PTCH1: variants seen among roughly 807,000 people sequenced by gnomAD.
The protein encoded by PTCH1 is patched 1, also known as protein patched homolog 1.
Under a neutral mutation model 144.6 loss-of-function variants are expected in PTCH1, and 14 were observed. That is an observed-to-expected ratio of 0.10 (90% CI 0.06 to 0.15). The LOEUF (loss-of-function observed/expected upper bound fraction) is 0.15. Ranked by LOEUF, PTCH1 falls within the 10% of genes least tolerant of loss-of-function variation. The pLI is 1.00. For synonymous variants in PTCH1, 833 were observed against 793.6 expected (o/e 1.05, Z -0.83); for missense variants, 1,623 against 1,948.3 (o/e 0.83, Z 3.14).
intron 19 of PTCH1, among the ~76,000 whole-genome samples, chr9:95,453,827 C>T (rs956406601): frequency 6.6e-5 from 10 of 152,202 alleles, no homozygotes; most frequent in African/African-American, 2.2e-4. Context: ...TTGGTGTTGA[C>T]GTAAATCTTG....
At chr9:95,481,145 C>A (rs1841504951) in intron 5 of PTCH1, among the ~76,000 whole-genome samples, 2 of 152,212 alleles carry the variant, frequency 1.3e-5, no homozygotes, top group South Asian at 4.1e-4. Flanking sequence ...GTGCTGTTGA[C>A]AGACCAGAAA....
At chr9:95,454,188 T>A (rs573441261) in intron 19 of PTCH1, among the ~76,000 whole-genome samples, 38 of 152,314 alleles carry the variant, frequency 2.5e-4, no homozygotes, top group African/African-American at 8.7e-4. Context: ...TGTGGACACA[T>A]CCCTGTCTCT....
intron 1 of PTCH1, chr9:95,514,621 G>GGT (rs3222829): frequency 0.017 from 2,578 of 148,620 alleles, 34 homozygotes; most frequent in African/African-American, 0.036. Flanking sequence ...GAAAATAAAA[G>GGT]GTGTGTGTGT....
chr9:95,454,842 T>C (rs555647486), intron 19 of PTCH1, among the ~76,000 whole-genome samples: 1 of 152,366 alleles, frequency 6.6e-6, no homozygotes, highest in African/African-American at 2.4e-5. Context: ...ATCAGAATAC[T>C]GAAAATGACT....
chr9:95,456,575 T>C (rs1382851641), intron 18 of PTCH1, among the ~76,000 whole-genome samples, 162 bp from the exon 19 acceptor site: 1 of 152,210 alleles, frequency 6.6e-6, no homozygotes, highest in East Asian at 1.9e-4. Context: ...CTAATTCATC[T>C]TCCCGCTGGG....
intron 20 of PTCH1, 127 bp from the exon 21 acceptor site, chr9:95,450,067 T>A (rs1838332390): frequency 5.9e-6 from 5 of 841,160 alleles, no homozygotes; most frequent in Non-Finnish European, 1.0e-5. Context: ...AAAAGGCTGT[T>A]ATCCAACCGC....
chr9:95,446,926 T>G lies in PTCH1; in HGVS notation c.4330A>C (p.Ser1444Arg). The part of the protein sequence containing the change: ...DVECEERPRG[S>R]SSN ...TGGCACTCACCTCAGTTGGAGCTGC[T>G]TCCCCGGGGCCTCTCCTCGCATTCC... Residue 1444 changes from serine to arginine, a missense_variant, in exon 23 of 24, where the codon AGC becomes CGC. Ser to Arg is a moderately radical substitution (Grantham distance 110, BLOSUM62 -1). This residue lies in a region of PTCH1 where 291 missense variants were observed against 287.4 expected (regional missense o/e 1.01). Transcript: ENST00000331920. 6.2e-7 allele frequency: 1 copy of G among 1,614,056 alleles called. No individual in the cohort carries two copies. Among genetic ancestry groups the G allele is most frequent in the South Asian group, 1.1e-5 (1 of 91,074 alleles).
rs1841923110 is a variant in PTCH1, at chr9:95,485,800, G to T, written c.469C>A (p.Leu157Ile). 1 of 1,614,176 alleles carries T rather than the reference G, an allele frequency of 6.2e-7. No homozygotes were observed. Among genetic ancestry groups the T allele is most frequent in the Admixed American group, 1.7e-5 (1 of 60,032 alleles). Residue 157 changes from leucine to isoleucine, a missense_variant, in exon 3 of 24, where the codon CTC (leucine) becomes ATC (isoleucine). Physicochemically the swap from Leu to Ile is conservative, Grantham distance 5. Around this residue, in one of 7 missense-constraint regions of PTCH1, gnomAD observed 245 missense variants for 240.6 expected, o/e 1.02. Coordinates refer to ENST00000331920, the MANE Select transcript of PTCH1 (RefSeq NM_000264.5). ...TCTTCTTTAGGGGTCTGTATCATGA[G>T]TTGAGGATTAAACATAGCCTCTTCT... ...IGEEAMFNPQ[L>I]MIQTPKEEGA...
rs1038475537 is a variant in PTCH1, at chr9:95,443,656, G to T, written c.*2737C>A. The T allele has an allele frequency of 7.2e-5, 11 of 152,564 alleles. No homozygotes were observed. The highest frequency in any genetic ancestry group is 7.3e-5 in the Non-Finnish European group (5 of 68,040). The allele number at this position is 152,564 out of a possible 1,614,324, so 9.5% of individuals were successfully genotyped here. On this transcript the variant is annotated 3_prime_UTR_variant, in exon 24 of 24. Coordinates refer to ENST00000331920, the MANE Select transcript of PTCH1 (RefSeq NM_000264.5). ...TACAATGAAAACTGTGCCCACTCAT[G>T]TCTCAGCAAAGTTCCAGACATTATG...
In PTCH1 at chr9:95,458,081, C is replaced by T. The variant is rs760902564; in HGVS notation, c.3100G>A (p.Val1034Met). ...LRHWLLLFIS[V>M]VLACTFLVCA... Reference sequence around the variant, plus strand: ...ACGAGGAATGTGCAGGCCAACACCACGCTGATGAACAGCAGCAGCCAGTGG... The same window carrying T: ...ACGAGGAATGTGCAGGCCAACACCATGCTGATGAACAGCAGCAGCCAGTGG... The change falls in exon 18 of 24, where the codon GTG (valine) becomes ATG (methionine). Residue 1034 changes from valine to methionine, a missense_variant. This residue lies in a region of PTCH1 where 504 missense variants were observed against 679.3 expected (regional missense o/e 0.74). Coordinates refer to ENST00000331920, the MANE Select transcript of PTCH1 (RefSeq NM_000264.5). The surrounding 1 kb of genome is among the most constrained non-coding windows in gnomAD (Gnocchi z 4.7). 2.5e-5 allele frequency: 40 copies of T among 1,614,088 alleles called. No individual in the cohort carries two copies. Among genetic ancestry groups the T allele is most frequent in the Non-Finnish European group, 3.0e-5 (35 of 1,180,044 alleles).
At chr9:95,471,831 G>C (rs1206873425) in intron 12 of PTCH1, among the ~76,000 whole-genome samples, 1 of 152,226 alleles carries the variant, frequency 6.6e-6, no homozygotes, top group Non-Finnish European at 1.5e-5. Flanking sequence ...CCTGAGGTTG[G>C]AGTTCGAGAC....
intron 5 of PTCH1, 69 bp downstream of exon 5, chr9:95,481,880 A>C: frequency 2.2e-6 from 3 of 1,341,128 alleles, no homozygotes; most frequent in Non-Finnish European, 3.2e-6. Flanking sequence ...ACAAACAATG[A>C]TAAGCAACAT....
Position 95,443,991 on chromosome 9 carries a change from T to C in PTCH1, c.*2402A>G, listed in dbSNP as rs1837670351. 6.6e-6 allele frequency: 1 copy of C among 152,618 alleles called. No individual in the cohort carries two copies. Among genetic ancestry groups the C allele is most frequent in the Admixed American group, 6.5e-5 (1 of 15,278 alleles). The allele number at this position is 152,618 out of a possible 1,614,324, so 9.5% of individuals were successfully genotyped here. On this transcript the variant is annotated 3_prime_UTR_variant, in exon 24 of 24. Transcript: ENST00000331920. ...ATTCTGTCCAAAAGTAAAACATAGC[T>C]GTAATGTTTCCAATAGAAATAAAAT... is the stretch of plus-strand genomic sequence containing the variant.
rs539463785 is a variant in PTCH1, at chr9:95,482,291, C to G, written c.585-88G>C. The G allele has an allele frequency of 4.7e-5, 60 of 1,287,172 alleles. No individual in the cohort carries two copies. In the African/African-American group the frequency reaches 6.4e-4, roughly 14 times the overall value. 79.7% of individuals were successfully genotyped at this position (1,287,172 alleles called of 1,614,324 possible). On this transcript the variant is annotated intron_variant, in intron 3 of 23. Coordinates refer to ENST00000331920, the MANE Select transcript of PTCH1 (RefSeq NM_000264.5). The stretch of plus-strand genomic sequence containing the variant: ...GAAATGATAGAACATATAAAAAGAA[C>G]TGCAATTTCGATCACTTTTAAGCAT...
intron 12 of PTCH1, chr9:95,473,921 T>C (rs903653072): frequency 3.0e-5 from 11 of 367,132 alleles, no homozygotes; most frequent in Non-Finnish European, 4.4e-5. Flanking sequence ...TTGGAAGCTA[T>C]AGTTGCAATT....
At position 95,506,392 on chromosome 9, in the gene PTCH1, G is replaced by C. The variant is rs771281691; in HGVS notation, c.394+15C>G. 7 of 1,606,902 alleles carry C rather than the reference G, an allele frequency of 4.4e-6. No individual in the cohort carries two copies. Among genetic ancestry groups the C allele is most frequent in the Admixed American group, 3.4e-5 (2 of 59,458 alleles). ...ACCGGGCCGGGGGCGCGGGCGCCGCGGCGGGCGCTCTTACCTTCCACCCAC... is the reference window on the plus strand; with the variant it reads ...ACCGGGCCGGGGGCGCGGGCGCCGCCGCGGGCGCTCTTACCTTCCACCCAC... On this transcript the variant is annotated intron_variant, in intron 2 of 23. Coordinates refer to ENST00000331920, the MANE Select transcript of PTCH1 (RefSeq NM_000264.5).
Position 95,449,218 on chromosome 9 carries a change from C to G in PTCH1, c.3655G>C (p.Asp1219His), listed in dbSNP as rs774833489. The change falls in exon 22 of 24, where the codon GAT (aspartate) becomes CAT (histidine). Residue 1219 changes from aspartate (D) to histidine (H), a missense_variant. Asp to His is a moderately conservative substitution (Grantham distance 81). Coordinates refer to ENST00000331920, the MANE Select transcript of PTCH1 (RefSeq NM_000264.5). This position sits in a 1 kb window ranked among gnomAD's most constrained non-coding sequence, Gnocchi z 5.3. ...MPPGHTHSGSDSSDSEYSSQT... is the reference protein window; with the variant it reads ...MPPGHTHSGSHSSDSEYSSQT... ...GAACTATACTCCGAGTCGGAGGAAT[C>G]AGACCCGCTGTGCGTGTGGCCGGGC... 1.0e-5 allele frequency: 16 copies of G among 1,599,112 alleles called. No individual in the cohort carries two copies. The highest frequency in any genetic ancestry group is 1.2e-5 in the Non-Finnish European group (14 of 1,172,936).
intron 12 of PTCH1, among the ~76,000 whole-genome samples, chr9:95,471,985 C>T (rs977438660): frequency 2.3e-4 from 35 of 152,142 alleles, no homozygotes; most frequent in Admixed American, 1.7e-3. Context: ...TGTGGTGAGC[C>T]GAGATCGCAC....
chr9:95,489,040 G>A (rs190471655), intron 2 of PTCH1, among the ~76,000 whole-genome samples: 34 of 152,262 alleles, frequency 2.2e-4, no homozygotes, highest in South Asian at 4.1e-4. Flanking sequence ...TCCCTCTCGG[G>A]TATAACTGTG....
Sources: gnomAD v4.1 joint callset for allele counts (sites outside exome capture counted in the v4.1 genomes callset) on GRCh38, gnomAD v4.1.1 for gene constraint, gnomAD v4.1.1 regional missense constraint, Gnocchi (gnomAD v3.1) non-coding constraint, MANE v1.5 for transcripts, NCBI Gene and HGNC (gene_info 2026-07-23, HGNC 2026-07-21) for gene names.